Variants in IRAK1BP1 observed in about 807,000 individuals in gnomAD.
IRAK1BP1 encodes the protein interleukin-1 receptor-associated kinase 1-binding protein 1.
IRAK1BP1 carries 24 observed loss-of-function variants against 28.0 expected under a neutral mutation model. The ratio of observed to expected loss-of-function variants is 0.86; its 90% CI spans 0.62 to 1.20. The LOEUF is 1.20. IRAK1BP1 is among the 50% of genes most tolerant of loss of function. The pLI is 0.00. For synonymous variants in IRAK1BP1, 131 were observed against 116.3 expected (o/e 1.13, Z -0.81); for missense variants, 336 against 316.7 (o/e 1.06, Z -0.46).
At chr6:78,893,336 ATATATATATATATC>A (rs1209891256) in intron 2 of IRAK1BP1, among the ~76,000 whole-genome samples, 1 of 142,330 alleles carries the variant, frequency 7.0e-6, no homozygotes, top group Non-Finnish European at 1.5e-5. Context: ...ATATATATAT[ATATATATATATATC>A]AACGAAGAGT....
chr6:78,971,801 G>T, the IRAK1BP1 span, among the ~76,000 whole-genome samples: 1 of 152,154 alleles, frequency 6.6e-6, no homozygotes, highest in Non-Finnish European at 1.5e-5. Context: ...ACTCCCACCC[G>T]AATACTGCGC....
the IRAK1BP1 span, chr6:78,966,099 G>A: frequency 8.4e-7 from 1 of 1,189,672 alleles, no homozygotes; most frequent in Admixed American, 1.7e-5. Flanking sequence ...GAAATGCATG[G>A]CTGCTGTCAC....
At chr6:78,903,119 G>T (rs952611136), downstream of IRAK1BP1, 1 of 1,366,890 alleles carries the variant, frequency 7.3e-7, no homozygotes, top group Non-Finnish European at 1.0e-6. Context: ...ATGTAAGTTG[G>T]TTCATTATAA....
chr6:78,970,459 G>A, the IRAK1BP1 span, among the ~76,000 whole-genome samples: 2 of 152,074 alleles, frequency 1.3e-5, no homozygotes, highest in African/African-American at 4.8e-5. Context: ...AGACCTATTG[G>A]TAACTGAACT....
chr6:78,896,343 A>C (rs991027579), intron 2 of IRAK1BP1, among the ~76,000 whole-genome samples: 36 of 152,030 alleles, frequency 2.4e-4, no homozygotes, highest in Non-Finnish European at 4.3e-4. Flanking sequence ...AAAAAAAAAA[A>C]AAAAACAACC....
At chr6:78,957,288 CAT>C in the IRAK1BP1 span, 1 of 151,896 alleles carries the variant, frequency 6.6e-6, no homozygotes, top group Non-Finnish European at 1.5e-5. Flanking sequence ...TACACATACA[CAT>C]AGTTATAACA....
At chr6:78,975,050 G>A in the IRAK1BP1 span, among the ~76,000 whole-genome samples, 1 of 150,736 alleles carries the variant, frequency 6.6e-6, no homozygotes, top group Non-Finnish European at 1.5e-5. Context: ...TGATACCAAA[G>A]CTGGGCAGAG....
At chr6:78,925,023 A>G (rs1385203461) in intron 4 of IRAK1BP1, among the ~76,000 whole-genome samples, 1 of 152,210 alleles carries the variant, frequency 6.6e-6, no homozygotes, top group African/African-American at 2.4e-5. Flanking sequence ...TTGTAGGGAC[A>G]TGGATGAAGC....
At position 78,899,775 on chromosome 6, in the gene IRAK1BP1, A is replaced by G. The variant is rs1772031121; in HGVS notation, c.*1441A>G. The G allele has an allele frequency of 6.6e-6, 1 of 152,198 alleles. No homozygotes were observed. Among genetic ancestry groups the G allele is most frequent in the South Asian group, 2.1e-4 (1 of 4,832 alleles). The allele number at this position is 152,198 out of a possible 1,614,324, so 9.4% of individuals were successfully genotyped here. A position where few individuals can be genotyped will look rare whatever the true frequency, so the allele number is the denominator to read the frequency against. On this transcript the variant is annotated 3_prime_UTR_variant, in exon 4 of 4. Coordinates refer to ENST00000369940, the MANE Select transcript of IRAK1BP1 (RefSeq NM_001010844.4). ...CACATTTTTAAAAATAAAACTTTAA[A>G]AAAGAAACAGTTGAAACTAATTTTA...
chr6:78,877,862 G>A (rs184236371), intron 1 of IRAK1BP1, among the ~76,000 whole-genome samples: 13 of 152,238 alleles, frequency 8.5e-5, no homozygotes, highest in South Asian at 2.1e-4. Context: ...CTGGCTCAGA[G>A]GGTCCCACAC....
intron 1 of IRAK1BP1, among the ~76,000 whole-genome samples, chr6:78,876,325 A>C (rs1215827339): frequency 1.3e-5 from 2 of 152,192 alleles, no homozygotes; most frequent in Admixed American, 6.5e-5. Flanking sequence ...CTGAGAGTCA[A>C]ACCTCATTTG....
rs1462308118 is a variant in IRAK1BP1 at position 78,867,727 on chromosome 6, C to G, written c.151C>G (p.Arg51Gly). ...CTCAACACAAGCCCAAACTGCTACC[C>G]GCGAGGTGCAAGTAAGCGGCACCTC... ...LSSTQAQTAT[R>G]EVQVSGTSEV... Residue 51 changes from arginine to glycine, a missense_variant, in exon 1 of 4, where the codon CGC (arginine) becomes GGC (glycine). Transcript: ENST00000369940. 15 of 1,614,096 alleles carry G rather than the reference C, an allele frequency of 9.3e-6. No homozygotes were observed. Among genetic ancestry groups the G allele is most frequent in the Non-Finnish European group, 1.3e-5 (15 of 1,180,048 alleles).
At chr6:78,868,080 T>G (rs1242833977) in intron 1 of IRAK1BP1, among the ~76,000 whole-genome samples, 189 bp downstream of exon 1, 2 of 152,208 alleles carry the variant, frequency 1.3e-5, no homozygotes, top group Non-Finnish European at 2.9e-5. Context: ...ATTCTTCTCC[T>G]AGACGAAGGT....
chr6:78,969,614 G>A, the IRAK1BP1 span, among the ~76,000 whole-genome samples: 1 of 152,030 alleles, frequency 6.6e-6, no homozygotes, highest in Non-Finnish European at 1.5e-5. Flanking sequence ...AAAGTCAAAT[G>A]TAACAGAAAA....
At chr6:78,959,284 T>A in the IRAK1BP1 span, among the ~76,000 whole-genome samples, 8 of 152,270 alleles carry the variant, frequency 5.3e-5, no homozygotes, top group African/African-American at 1.9e-4. Context: ...TTAGAAAATC[T>A]TACTGATTGT....
chr6:78,970,941 T>A, the IRAK1BP1 span: 1 of 1,180,690 alleles, frequency 8.5e-7, no homozygotes, highest in Non-Finnish European at 1.2e-6. Context: ...TTTAATCCAA[T>A]ATACAGGGTA....
chr6:78,973,932 C>A, the IRAK1BP1 span, among the ~76,000 whole-genome samples: 1 of 151,914 alleles, frequency 6.6e-6, no homozygotes, highest in Non-Finnish European at 1.5e-5. Flanking sequence ...TAATGGGAGA[C>A]TTTAACACCC....
At chr6:78,926,356 C>T (rs958351446) in intron 4 of IRAK1BP1, among the ~76,000 whole-genome samples, 2 of 152,124 alleles carry the variant, frequency 1.3e-5, no homozygotes, top group East Asian at 3.9e-4. Context: ...TACTAAAAGA[C>T]ACATGCACTT....
downstream of IRAK1BP1, among the ~76,000 whole-genome samples, chr6:78,949,965 A>C (rs1341662258): frequency 1.3e-5 from 2 of 152,200 alleles, no homozygotes; most frequent in African/African-American, 4.8e-5. Flanking sequence ...CTGGGATTAC[A>C]GGTGTGAGCC....
Sources: allele counts gnomAD v4.1 joint callset (sites outside exome capture counted in the v4.1 genomes callset), GRCh38; gene constraint gnomAD v4.1.1; transcripts MANE v1.5; gene names NCBI Gene and HGNC (gene_info 2026-07-23, HGNC 2026-07-21).